ITCH: variants seen among roughly 807,000 people sequenced by gnomAD.
The protein encoded by ITCH is E3 ubiquitin-protein ligase Itchy homolog.
Under a neutral mutation model 126.8 loss-of-function variants are expected in ITCH, and 28 were observed. That is an observed-to-expected ratio of 0.22 (90% CI 0.16 to 0.30). The LOEUF is 0.30. ITCH is among the 10% of genes least tolerant of loss of function. ITCH has a pLI of 1.00. For synonymous variants in ITCH, 342 were observed against 340.0 expected (o/e 1.01, Z -0.06); for missense variants, 631 against 1,032.4 (o/e 0.61, Z 5.33).
At chr20:34,473,847 TGTC>T (rs1987871379) in intron 16 of ITCH, among the ~76,000 whole-genome samples, 1 of 152,224 alleles carries the variant, frequency 6.6e-6, no homozygotes, top group Admixed American at 6.5e-5. Context: ...TGCTATAAAT[TGTC>T]GTAATTTCTC....
chr20:34,363,278 CTG>C lies in ITCH; in HGVS notation c.-167_-166del, dbSNP rs2037266239. 2 of 152,760 alleles carry C rather than the reference CTG, an allele frequency of 1.3e-5. No homozygotes were observed. Among genetic ancestry groups the C allele is most frequent in the South Asian group, 4.1e-4 (2 of 4,834 alleles). The allele number at this position is 152,760 out of a possible 1,614,324, so 9.5% of individuals were successfully genotyped here. ...TTTAGCTGCTAACTCGCTCTAGTAG[CTG>C]TGGTCGGGGCTCGGGACCGGCTGCC... On this transcript the variant is annotated 5_prime_UTR_variant, in exon 1 of 25. Transcript: ENST00000374864.
chr20:34,376,547 C>T (rs546799370), intron 2 of ITCH, among the ~76,000 whole-genome samples: 24 of 152,020 alleles, frequency 1.6e-4, no homozygotes, highest in African/African-American at 5.5e-4. Flanking sequence ...ATTATTAAGG[C>T]AGATAGAAGG....
At chr20:34,372,089 G>A (rs1006393334) in intron 2 of ITCH, among the ~76,000 whole-genome samples, 7 of 151,732 alleles carry the variant, frequency 4.6e-5, no homozygotes, top group Admixed American at 6.6e-5. Context: ...GGCGGATCAC[G>A]AGGTCAGAAG....
intron 22 of ITCH, among the ~76,000 whole-genome samples, chr20:34,492,296 C>A (rs550673809): frequency 3.3e-5 from 5 of 151,988 alleles, no homozygotes; most frequent in African/African-American, 1.2e-4. Context: ...CTCTGGAGGC[C>A]GAGGCAGGAG....
rs1404560899 is a variant in ITCH at position 34,420,337 on chromosome 20, T to A, written c.476-4143T>A. 3.3e-5 allele frequency among the ~76,000 whole-genome samples: 5 copies of A among 152,334 alleles called. No homozygotes were observed. In the East Asian group the frequency reaches 9.6e-4, roughly 29 times the overall value. On this transcript the variant is annotated intron_variant, in intron 6 of 24. Transcript: ENST00000374864. ...TATCACATAAAAGGAATCATGTGAC[T>A]TTTTTTGTTTGGATTCTTTACTTAG...
chr20:34,474,999 G>A (rs1373048206), intron 16 of ITCH, among the ~76,000 whole-genome samples: 8 of 151,012 alleles, frequency 5.3e-5, no homozygotes, highest in Admixed American at 4.6e-4. Context: ...GGGCAGAGGC[G>A]CTCCTCACAT....
chr20:34,391,862 G>A (rs985204983), intron 2 of ITCH, among the ~76,000 whole-genome samples: 3 of 151,966 alleles, frequency 2.0e-5, no homozygotes, highest in Non-Finnish European at 4.4e-5. Context: ...CTTAATTTTT[G>A]TAGAGATTTA....
chr20:34,462,992 T>G (rs990994802), intron 14 of ITCH, among the ~76,000 whole-genome samples: 1 of 152,244 alleles, frequency 6.6e-6, no homozygotes, highest in Non-Finnish European at 1.5e-5. Flanking sequence ...CACATTTTGT[T>G]TATTCACAGA....
intron 4 of ITCH, among the ~76,000 whole-genome samples, chr20:34,410,013 C>T (rs192346153): frequency 6.6e-6 from 1 of 151,200 alleles, no homozygotes; most frequent in Admixed American, 6.6e-5. Flanking sequence ...TGAACTCTAG[C>T]CTGGGCAATG....
intron 14 of ITCH, among the ~76,000 whole-genome samples, chr20:34,465,419 G>T (rs1263012935): frequency 6.6e-6 from 1 of 151,912 alleles, no homozygotes; most frequent in Non-Finnish European, 1.5e-5. Flanking sequence ...AAAAAAAGAA[G>T]TCATTTGGAT....
intron 13 of ITCH, among the ~76,000 whole-genome samples, chr20:34,459,408 A>G (rs1326802421): frequency 6.6e-6 from 1 of 151,922 alleles, no homozygotes. Flanking sequence ...CTTACTGGAG[A>G]TTTGAGCTAA....
intron 2 of ITCH, among the ~76,000 whole-genome samples, chr20:34,383,970 G>A (rs1051060460): frequency 2.7e-5 from 4 of 149,166 alleles, no homozygotes; most frequent in Admixed American, 2.0e-4. Flanking sequence ...TCAGCCTCCC[G>A]AGTATCTGAG....
chr20:34,450,698 C>T (rs1336141761), intron 12 of ITCH, among the ~76,000 whole-genome samples: 2 of 152,100 alleles, frequency 1.3e-5, no homozygotes, highest in Non-Finnish European at 2.9e-5. Flanking sequence ...GCTGAAGATA[C>T]TTCATAATAT....
At chr20:34,463,697 A>G (rs1986754926) in intron 14 of ITCH, among the ~76,000 whole-genome samples, 1 of 149,340 alleles carries the variant, frequency 6.7e-6, no homozygotes, top group Non-Finnish European at 1.5e-5. Context: ...TATTTTTCTA[A>G]TGGTTTGTGA....
intron 11 of ITCH, 61 bp from the exon 12 acceptor site, chr20:34,449,350 G>A (rs879737432): frequency 3.5e-5 from 35 of 994,440 alleles, no homozygotes; most frequent in Non-Finnish European, 4.9e-5. Context: ...GAACTCATAA[G>A]CTTGCTGTCA....
chr20:34,451,289 C>CAA (rs1234630566), intron 12 of ITCH, among the ~76,000 whole-genome samples: 5 of 71,220 alleles, frequency 7.0e-5, no homozygotes, highest in South Asian at 4.3e-4. Context: ...GACTCCGTCT[C>CAA]AAAAAAAAAA....
chr20:34,414,544 G>A (rs147353470), intron 6 of ITCH, among the ~76,000 whole-genome samples: 1,529 of 136,064 alleles, frequency 0.011, 22 homozygotes, highest in African/African-American at 0.04. Context: ...TCGGCTCACC[G>A]CAACCTCTGC....
At chr20:34,488,719 C>T (rs1048454188) in intron 20 of ITCH, among the ~76,000 whole-genome samples, 6 of 151,212 alleles carry the variant, frequency 4.0e-5, no homozygotes, top group African/African-American at 1.5e-4. Flanking sequence ...TCTCAAAAAA[C>T]AAAAACAAAA....
chr20:34,401,764 G>A (rs1433083764), intron 3 of ITCH: 5 of 401,528 alleles, frequency 1.2e-5, no homozygotes, highest in Non-Finnish European at 1.7e-5. Flanking sequence ...AAAAGAGGAG[G>A]GGGAAAAAAA....
Sources: gnomAD v4.1 joint callset for allele counts (sites outside exome capture counted in the v4.1 genomes callset) on GRCh38, gnomAD v4.1.1 for gene constraint, MANE v1.5 for transcripts, NCBI Gene and HGNC (gene_info 2026-07-23, HGNC 2026-07-21) for gene names.